Variants in GDAP2 observed in about 807,000 individuals in gnomAD.
The protein encoded by GDAP2 is ganglioside induced differentiation associated protein 2.
GDAP2 carries 51 observed loss-of-function variants against 67.0 expected under a neutral mutation model. The ratio of observed to expected loss-of-function variants is 0.76; its 90% CI spans 0.61 to 0.96. GDAP2 has a LOEUF of 0.96. GDAP2 is among the 40% of genes least tolerant of loss of function. The pLI, the probability that GDAP2 is intolerant of heterozygous loss-of-function variation, is 0.00. For missense variants in GDAP2, 547 were observed against 588.3 expected (o/e 0.93, Z 0.73); for synonymous variants, 203 against 207.3 (o/e 0.98, Z 0.18).
intron 10 of GDAP2, among the ~76,000 whole-genome samples, chr1:117,885,054 C>T (rs1049497154): frequency 1.3e-5 from 2 of 151,982 alleles, no homozygotes; most frequent in African/African-American, 2.4e-5. Flanking sequence ...GATAGGATTT[C>T]GCCATGTTGC....
chr1:117,904,658 G>T (rs1649598710), intron 6 of GDAP2, among the ~76,000 whole-genome samples: 1 of 152,190 alleles, frequency 6.6e-6, no homozygotes, highest in African/African-American at 2.4e-5. Context: ...ACGGCACTGT[G>T]GTGCATACCT....
At chr1:117,924,154 A>G (rs1650359839) in intron 1 of GDAP2, among the ~76,000 whole-genome samples, 1 of 152,240 alleles carries the variant, frequency 6.6e-6, no homozygotes, top group African/African-American at 2.4e-5. Flanking sequence ...TTTTAGGTTC[A>G]GAGGTACATG....
chr1:117,899,821 AT>A (rs747192579), intron 6 of GDAP2, among the ~76,000 whole-genome samples: 91 of 152,292 alleles, frequency 6.0e-4, no homozygotes, highest in Non-Finnish European at 2.1e-4. Context: ...AGCATTTTGC[AT>A]TTTCATCTTC....
Position 117,896,817 on chromosome 1 carries a change from T to C in GDAP2, c.953+16A>G. ...GATGTCCTTATGTATCTAACAGTCCTGAAGGGTTGTCTTACTTTCTTTGAT... is the reference window on the plus strand; with the variant it reads ...GATGTCCTTATGTATCTAACAGTCCCGAAGGGTTGTCTTACTTTCTTTGAT... On this transcript the variant is annotated intron_variant, in intron 8 of 13. Transcript: ENST00000369443. 6.3e-7 allele frequency: 1 copy of C among 1,597,866 alleles called. No individual in the cohort carries two copies.
intron 1 of GDAP2, among the ~76,000 whole-genome samples, chr1:117,925,339 G>C (rs1466682244): frequency 6.6e-6 from 1 of 152,070 alleles, no homozygotes; most frequent in Admixed American, 6.6e-5. Context: ...TGTAGTCCCA[G>C]CTACTCAGGT....
chr1:117,924,179 G>C (rs908971477), intron 1 of GDAP2, among the ~76,000 whole-genome samples: 1 of 152,178 alleles, frequency 6.6e-6, no homozygotes, highest in African/African-American at 2.4e-5. Flanking sequence ...GGTTAGTTAT[G>C]TAGGTAAATT....
At chr1:117,883,716 T>C (rs1570968741) in intron 10 of GDAP2, 89 bp from the exon 11 acceptor site, 5 of 875,576 alleles carry the variant, frequency 5.7e-6, no homozygotes, top group African/African-American at 5.1e-5. Flanking sequence ...CAAAACAAAA[T>C]AGAAAATTAA....
chr1:117,912,650 C>G lies in GDAP2; in HGVS notation c.350G>C (p.Gly117Ala). 6.2e-7 allele frequency: 1 copy of G among 1,613,582 alleles called. No homozygotes were observed. Among genetic ancestry groups the G allele is most frequent in the Non-Finnish European group, 8.5e-7 (1 of 1,179,604 alleles). ...GATGAACCGGGCAGCTAGATTGAAT[C>G]CTTTTGTCAATTTTGCTTCACCTGT... ...CRTGEAKLTK[G>A]FNLAARFIIH... is the part of the protein sequence containing the mutation. The change falls in exon 4 of 14, where the codon GGA (glycine) becomes GCA (alanine). Residue 117 changes from glycine to alanine, a missense_variant. Physicochemically the swap from Gly to Ala is moderately conservative, Grantham distance 60 (BLOSUM62 0). Transcript: ENST00000369443.
At chr1:117,877,718 T>C (rs1207176783) in intron 13 of GDAP2, 1 of 1,106,766 alleles carries the variant, frequency 9.0e-7, no homozygotes, top group Non-Finnish European at 1.1e-6. Context: ...GGCAGAGGTA[T>C]CTGTTTTAAA....
chr1:117,917,572 T>C (rs1248230437), intron 3 of GDAP2, among the ~76,000 whole-genome samples: 2 of 152,240 alleles, frequency 1.3e-5, no homozygotes, highest in Non-Finnish European at 2.9e-5. Flanking sequence ...ATCCCCATTT[T>C]AGAGATGAGG....
intron 13 of GDAP2, among the ~76,000 whole-genome samples, chr1:117,876,602 A>G (rs1309724819): frequency 6.6e-6 from 1 of 152,204 alleles, no homozygotes. Flanking sequence ...GTGTTAGATT[A>G]TAAGTTAGTC....
intron 6 of GDAP2, among the ~76,000 whole-genome samples, chr1:117,904,153 AT>A (rs200362282): frequency 1.3e-5 from 2 of 151,100 alleles, no homozygotes; most frequent in African/African-American, 4.9e-5. Context: ...CATTCAGCTA[AT>A]TTTTTTTTAT....
intron 1 of GDAP2, among the ~76,000 whole-genome samples, chr1:117,928,024 C>A (rs1345450798): frequency 1.3e-5 from 2 of 152,174 alleles, no homozygotes; most frequent in Admixed American, 6.5e-5. Flanking sequence ...TTATTAAAAT[C>A]ATTTTTTTCC....
At position 117,912,695 on chromosome 1, in the gene GDAP2, G is replaced by GGAAA. The variant is rs1212322123; in HGVS notation, c.317-16_317-13dup. 1.2e-6 allele frequency: 2 copies of GGAAA among 1,608,102 alleles called. No individual in the cohort carries two copies. The highest frequency in any genetic ancestry group is 2.7e-5 in the African/African-American group (2 of 74,662). ...ACCTGTTCGGCACCCTGAAAACAAT[G>GGAAA]GAAACACACATAAGTTTGGATGTGT... On this transcript the variant is annotated splice_polypyrimidine_tract_variant and intron_variant, in intron 3 of 13. Coordinates refer to ENST00000369443, the MANE Select transcript of GDAP2 (RefSeq NM_017686.4).
intron 2 of GDAP2, among the ~76,000 whole-genome samples, chr1:117,919,081 G>T (rs533925074): frequency 5.3e-4 from 81 of 152,270 alleles, no homozygotes; most frequent in Non-Finnish European, 8.8e-4. Flanking sequence ...TCCTAATAAA[G>T]AATGAAGTAC....
At chr1:117,893,958 A>T (rs79676791) in intron 8 of GDAP2, among the ~76,000 whole-genome samples, 2,048 of 152,232 alleles carry the variant, frequency 0.013, 37 homozygotes, top group South Asian at 0.092. Context: ...AACTTTTTTT[A>T]AAAAAGCTGT....
At chr1:117,923,672 A>G (rs1025184476) in intron 1 of GDAP2, among the ~76,000 whole-genome samples, 1 of 152,198 alleles carries the variant, frequency 6.6e-6, no homozygotes, top group Non-Finnish European at 1.5e-5. Context: ...ACACCCCTAG[A>G]ACCACCACCA....
chr1:117,919,103 G>C (rs377194961), intron 2 of GDAP2, among the ~76,000 whole-genome samples: 5 of 152,166 alleles, frequency 3.3e-5, no homozygotes, highest in Non-Finnish European at 7.3e-5. Context: ...GGCCGGGCAC[G>C]GTGGCTCATG....
intron 2 of GDAP2, among the ~76,000 whole-genome samples, 161 bp from the exon 3 acceptor site, chr1:117,918,897 C>CAATT (rs112635198): frequency 0.056 from 8,555 of 152,246 alleles, 579 homozygotes; most frequent in African/African-American, 0.16. Flanking sequence ...ACTTAAAAAA[C>CAATT]AATCTGGCAT....
Sources: allele counts gnomAD v4.1 joint callset (sites outside exome capture counted in the v4.1 genomes callset), GRCh38; gene constraint gnomAD v4.1.1; transcripts MANE v1.5; gene names NCBI Gene and HGNC (gene_info 2026-07-23, HGNC 2026-07-21).